MGAT4C: variants seen among roughly 807,000 people sequenced by gnomAD.
MGAT4C encodes alpha-1,3-mannosyl-glycoprotein 4-beta-N-acetylglucosaminyltransferase C.
Under a neutral mutation model 40.1 loss-of-function variants are expected in MGAT4C, and 19 were observed. That is an observed-to-expected ratio of 0.47 (90% CI 0.33 to 0.70). The LOEUF (loss-of-function observed/expected upper bound fraction) is 0.70. Among genes scored for constraint, MGAT4C ranks in the 30% least tolerant of loss-of-function variants. MGAT4C has a pLI of 0.02. For missense variants in MGAT4C, 491 were observed against 563.2 expected, an observed-to-expected ratio of 0.87 and a Z score of 1.30; for synonymous variants, 181 against 187.1, an observed-to-expected ratio of 0.97 and a Z score of 0.27.
At chr12:86,588,761 C>G (rs1565868963) in intron 2 of MGAT4C, among the ~76,000 whole-genome samples, 2 of 152,004 alleles carry the variant, frequency 1.3e-5, no homozygotes, top group Non-Finnish European at 2.9e-5. Flanking sequence ...CTCAAAACCG[C>G]TCAACTACAT....
At chr12:86,202,375 G>A (rs953479586) in intron 1 of MGAT4C, among the ~76,000 whole-genome samples, 1 of 152,124 alleles carries the variant, frequency 6.6e-6, no homozygotes, top group Admixed American at 6.5e-5. Context: ...TTTTATTAGA[G>A]TCTCATTTTG....
At chr12:86,825,970 C>T (rs1237637018) in intron 1 of MGAT4C, among the ~76,000 whole-genome samples, 1 of 151,366 alleles carries the variant, frequency 6.6e-6, no homozygotes, top group Non-Finnish European at 1.5e-5. Context: ...CTGTGATTGG[C>T]AATAGTGCTA....
intron 2 of MGAT4C, among the ~76,000 whole-genome samples, chr12:86,019,434 T>G (rs1028024137): frequency 1.3e-5 from 2 of 152,064 alleles, no homozygotes; most frequent in Non-Finnish European, 2.9e-5. Flanking sequence ...TCTCTGATGT[T>G]GTATGCATCC....
At position 86,357,634 on chromosome 12, in the gene MGAT4C, A is replaced by G. The variant is rs569085933; in HGVS notation, c.-119-23507T>C. Among the ~76,000 whole-genome samples the G allele has an allele frequency of 1.3e-3, 204 of 152,306 alleles. 1 individual carries two copies. Among genetic ancestry groups the G allele is most frequent in the Non-Finnish European group, 2.6e-3 (177 of 68,018 alleles). On this transcript the variant is annotated intron_variant, in intron 3 of 7. Coordinates refer to the MGAT4C transcript ENST00000548651. ...AGGAACAGTGTAGAGAAGAACTTAA[A>G]TGACCTGATGGAGCTGAAAACCATG... is the stretch of plus-strand genomic sequence containing the variant.
chr12:86,790,488 G>A (rs1018852472), intron 1 of MGAT4C, among the ~76,000 whole-genome samples: 6 of 152,096 alleles, frequency 3.9e-5, no homozygotes, highest in Middle Eastern at 3.4e-3. Flanking sequence ...AAAGCATACC[G>A]AAAAGAAATC....
intron 2 of MGAT4C, among the ~76,000 whole-genome samples, chr12:86,019,975 T>C (rs913291251): frequency 3.3e-5 from 5 of 152,206 alleles, no homozygotes; most frequent in Admixed American, 1.3e-4. Context: ...AGTTCACTCA[T>C]GATTTGGCTC....
intron 1 of MGAT4C, among the ~76,000 whole-genome samples, chr12:86,180,018 G>GA (rs1250968263): frequency 1.3e-5 from 2 of 152,132 alleles, no homozygotes. Context: ...GGCCCAGGAG[G>GA]AAAAAACAGT....
At chr12:86,027,984 AT>A (rs1467463675) in intron 2 of MGAT4C, 1 of 354,722 alleles carries the variant, frequency 2.8e-6, no homozygotes, top group Non-Finnish European at 5.1e-6. Context: ...TATTTTATAC[AT>A]TTTCCATTGA....
chr12:86,199,826 C>A (rs1225865667), intron 1 of MGAT4C, among the ~76,000 whole-genome samples: 1 of 152,046 alleles, frequency 6.6e-6, no homozygotes, highest in African/African-American at 2.4e-5. Flanking sequence ...ATACATAAAT[C>A]ATCTTCTAAA....
chr12:86,754,013 A>G (rs940791625), intron 1 of MGAT4C, among the ~76,000 whole-genome samples: 1 of 152,192 alleles, frequency 6.6e-6, no homozygotes, highest in Non-Finnish European at 1.5e-5. Context: ...CACTGAAAGC[A>G]TATTTATATA....
At position 86,172,816 on chromosome 12, in the gene MGAT4C, G is replaced by A. The variant is rs185706033; in HGVS notation, c.-57+83423C>T. Among the ~76,000 whole-genome samples, 4 of 152,114 alleles carry A rather than the reference G, an allele frequency of 2.6e-5. No homozygotes were observed. In the East Asian group the frequency reaches 5.8e-4, roughly 22 times the overall value. On this transcript the variant is annotated intron_variant, in intron 1 of 4. Coordinates refer to ENST00000611864, the MANE Select transcript of MGAT4C (RefSeq NM_001351288.2). ...AAATGAGATCACTTCTAATGTTGCT[G>A]ACAGAGTCCCAAACCCAAGTATTCT...
At chr12:86,077,520 C>T (rs1257893075) in intron 1 of MGAT4C, among the ~76,000 whole-genome samples, 1 of 152,136 alleles carries the variant, frequency 6.6e-6, no homozygotes, top group Non-Finnish European at 1.5e-5. Context: ...AATTACAGTC[C>T]TCATTTCTGG....
chr12:86,338,361 A>G (rs1006984801), intron 3 of MGAT4C, among the ~76,000 whole-genome samples: 2 of 152,138 alleles, frequency 1.3e-5, no homozygotes, highest in Non-Finnish European at 2.9e-5. Flanking sequence ...GGTCTGCCAA[A>G]TATCTCAAGC....
intron 2 of MGAT4C, among the ~76,000 whole-genome samples, chr12:86,590,953 T>C (rs1373800361): frequency 6.6e-6 from 1 of 152,024 alleles, no homozygotes; most frequent in Non-Finnish European, 1.5e-5. Flanking sequence ...TCAGAAAGTT[T>C]ATGGCCAATC....
intron 2 of MGAT4C, among the ~76,000 whole-genome samples, chr12:86,565,192 A>T (rs116090835): frequency 0.01 from 1,571 of 152,264 alleles, 9 homozygotes; most frequent in Non-Finnish European, 0.014. Context: ...TGTGCACAGC[A>T]GCATTTCATC....
chr12:86,116,936 G>T (rs974571152), intron 1 of MGAT4C, among the ~76,000 whole-genome samples: 1 of 152,002 alleles, frequency 6.6e-6, no homozygotes. Flanking sequence ...TTAAAACATT[G>T]TTAGGTAAAT....
At chr12:86,231,414 A>G (rs1159166729) in intron 1 of MGAT4C, among the ~76,000 whole-genome samples, 2 of 152,152 alleles carry the variant, frequency 1.3e-5, no homozygotes, top group Non-Finnish European at 2.9e-5. Context: ...CTGCCTTTCT[A>G]ATCATCTGCC....
At chr12:86,806,067 G>C (rs1362261554) in intron 1 of MGAT4C, among the ~76,000 whole-genome samples, 1 of 150,916 alleles carries the variant, frequency 6.6e-6, no homozygotes, top group Non-Finnish European at 1.5e-5. Context: ...AAGAATCCTG[G>C]TTTCTACCTC....
intron 2 of MGAT4C, among the ~76,000 whole-genome samples, chr12:86,465,895 T>C (rs1200858320): frequency 6.6e-6 from 1 of 152,078 alleles, no homozygotes; most frequent in East Asian, 1.9e-4. Context: ...CCTAAGGAGT[T>C]GAAAATACGT....
Sources: allele counts gnomAD v4.1 joint callset (sites outside exome capture counted in the v4.1 genomes callset), GRCh38; gene constraint gnomAD v4.1.1; transcripts MANE v1.5; gene names NCBI Gene and HGNC (gene_info 2026-07-23, HGNC 2026-07-21).